NLRC5: variants seen among roughly 807,000 people sequenced by gnomAD.
NLRC5 encodes the protein protein NLRC5.
NLRC5 carries 114 observed loss-of-function variants against 206.9 expected under a neutral mutation model. The ratio of observed to expected loss-of-function variants is 0.55; its 90% confidence interval spans 0.47 to 0.64. The LOEUF is 0.64. Among genes scored for constraint, NLRC5 ranks in the 30% least tolerant of loss-of-function variants. The pLI is 0.00. For missense variants in NLRC5, 2,008 were observed against 2,305.5 expected, an observed-to-expected ratio of 0.87 and a Z score of 2.64; for synonymous variants, 952 against 962.8, an observed-to-expected ratio of 0.99 and a Z score of 0.21.
At chr16:57,072,853 A>G (rs559456511) in intron 38 of NLRC5, among the ~76,000 whole-genome samples, 3 of 152,284 alleles carry the variant, frequency 2.0e-5, no homozygotes, top group African/African-American at 7.2e-5. Context: ...TCAGCTTGAA[A>G]GTAGCCTTTT....
At chr16:57,007,122 C>T (rs2059001729) in intron 1 of NLRC5, among the ~76,000 whole-genome samples, 2 of 152,058 alleles carry the variant, frequency 1.3e-5, no homozygotes, top group South Asian at 4.1e-4. Context: ...TAAAAAGGGT[C>T]CACAGTGGAA....
At chr16:57,014,027 T>G in intron 1 of NLRC5, 4 of 335,708 alleles carry the variant, frequency 1.2e-5, no homozygotes, top group South Asian at 1.1e-4. Context: ...TTTAAGTTGC[T>G]TTTCTTCTAA....
At chr16:57,047,698 CT>C in intron 23 of NLRC5, 70 bp downstream of exon 23, 2 of 1,324,552 alleles carry the variant, frequency 1.5e-6, no homozygotes, top group Non-Finnish European at 2.1e-6. Context: ...GAGGGGGCTT[CT>C]TGGTTAGAAG....
At chr16:57,058,239 C>T in intron 28 of NLRC5, 91 bp downstream of exon 28, 2 of 1,024,216 alleles carry the variant, frequency 2.0e-6, no homozygotes, top group Non-Finnish European at 3.0e-6. Context: ...AGGGCATCCC[C>T]CAGAGCACCA....
At position 57,016,288 on chromosome 16, in the gene NLRC5, T is replaced by C. The variant is rs150884369; in HGVS notation, c.-127-786T>C. ...TCCCCCAGGACCTCTTCAAAAGATC[T>C]CTCTTTTCCTTTCTTATTTCTAATT... is the stretch of plus-strand genomic sequence containing the variant. On this transcript the variant is annotated intron_variant, in intron 1 of 48. Transcript: ENST00000688547. 1.6e-4 allele frequency among the ~76,000 whole-genome samples: 25 copies of C among 152,184 alleles called. 1 individual carries two copies. Among genetic ancestry groups the C allele is most frequent in the African/African-American group, 5.8e-4 (24 of 41,448 alleles).
At position 57,035,488 on chromosome 16, in the gene NLRC5, A is replaced by G. The variant is rs75919619; in HGVS notation, c.2628-612A>G. 3.3e-5 allele frequency among the ~76,000 whole-genome samples: 5 copies of G among 152,066 alleles called. No homozygotes were observed. In the East Asian group the frequency reaches 7.7e-4, roughly 24 times the overall value. On this transcript the variant is annotated intron_variant, in intron 13 of 48. Transcript: ENST00000688547. ...ACCCCATCCTTCCACTCAATCTCCA[A>G]TCCAGACACACTGGCTCTCTTTCAG...
At chr16:56,994,738 C>G (rs2057394426) in intron 1 of NLRC5, among the ~76,000 whole-genome samples, 1 of 151,208 alleles carries the variant, frequency 6.6e-6, no homozygotes, top group African/African-American at 2.4e-5. Flanking sequence ...TGGCAAGAAA[C>G]AAAAAAGTGG....
At chr16:57,043,641 C>G (rs1347602610) in intron 20 of NLRC5, 37 bp downstream of exon 20, 2 of 1,534,432 alleles carry the variant, frequency 1.3e-6, no homozygotes, top group Non-Finnish European at 1.8e-6. Flanking sequence ...CTGCCCCTGT[C>G]CCCCATCCCA....
At chr16:57,008,729 AT>A (rs74731160) in intron 1 of NLRC5, among the ~76,000 whole-genome samples, 38,618 of 152,052 alleles carry the variant, frequency 0.25, 5,709 homozygotes, top group East Asian at 0.38. Flanking sequence ...GTGTTTTATT[AT>A]TTTTTAAAAG....
chr16:57,058,593 A>G (rs906430201), intron 28 of NLRC5: 2 of 324,232 alleles, frequency 6.2e-6, no homozygotes, highest in Non-Finnish European at 1.2e-5. Context: ...TGGTTGCCCC[A>G]TCTCTCCCGT....
rs78243272 is a variant in NLRC5 at position 57,050,388 on chromosome 16, T to G, written c.3423-1150T>G. ...ACTGAGCCAGTTGATGTAGGGCCCC[T>G]GTACTCCATGCCTCCCCTCCAAACA... On this transcript the variant is annotated intron_variant, in intron 23 of 48. Transcript: ENST00000688547. Among the ~76,000 whole-genome samples the G allele has an allele frequency of 8.4e-3, 1,284 of 152,090 alleles. 17 individuals carry two copies. Among genetic ancestry groups the G allele is most frequent in the African/African-American group, 0.023 (972 of 41,500 alleles).
intron 10 of NLRC5, among the ~76,000 whole-genome samples, chr16:57,030,404 A>ATGGATGGATGGCTGAAAAGATGGATGGG (rs2061684931): frequency 7.4e-6 from 1 of 134,488 alleles, no homozygotes; most frequent in Non-Finnish European, 1.6e-5. Context: ...GGATGGATGG[A>ATGGATGGATGGCTGAAAAGATGGATGGG]TGGATGGCTG....
At chr16:57,032,315 C>T (rs181593761) in intron 11 of NLRC5, among the ~76,000 whole-genome samples, 5 of 151,850 alleles carry the variant, frequency 3.3e-5, no homozygotes, top group Middle Eastern at 3.4e-3. Flanking sequence ...TTGGGAGGAT[C>T]GCTTGAGCCT....
intron 1 of NLRC5, among the ~76,000 whole-genome samples, chr16:57,011,391 C>A (rs530492591): frequency 7.0e-6 from 1 of 143,734 alleles, no homozygotes; most frequent in South Asian, 2.2e-4. Flanking sequence ...CAAGTCTAGG[C>A]GACAGAGGGA....
chr16:57,061,938 G>C, intron 32 of NLRC5: 1 of 1,505,858 alleles, frequency 6.6e-7, no homozygotes. Flanking sequence ...AAAAAAGAAA[G>C]AAAGAAAGAA....
At chr16:57,033,854 A>G (rs1226228927) in intron 12 of NLRC5, among the ~76,000 whole-genome samples, 185 bp downstream of exon 12, 2 of 152,202 alleles carry the variant, frequency 1.3e-5, no homozygotes, top group African/African-American at 4.8e-5. Context: ...CTGTCATAAT[A>G]ACAATAGCTG....
In NLRC5 at chr16:57,026,984, G is replaced by A. The variant is rs777290599; in HGVS notation, c.2041G>A (p.Ala681Thr). 6 of 1,614,142 alleles carry A rather than the reference G, an allele frequency of 3.7e-6. No homozygotes were observed. In the Admixed American group the frequency reaches 1.0e-4, roughly 27 times the overall value. Residue 681 changes from alanine (A) to threonine (T), a missense_variant, in exon 6 of 49, where the codon GCT becomes ACT. Coordinates refer to ENST00000688547, the MANE Select transcript of NLRC5 (RefSeq NM_001384950.1). ...TCCCCTGGAGCCCCACTGCCCTGAG[G>A]CTCTGGTAGGCTGTGGGCAGATAGA... ...GCPLEPHCPE[A>T]LVGCGQIENL...
intron 28 of NLRC5, 29 bp downstream of exon 28, chr16:57,058,177 T>G (rs2065939856): frequency 1.3e-6 from 2 of 1,581,154 alleles, no homozygotes; most frequent in Non-Finnish European, 8.6e-7. Flanking sequence ...AAAGGACAGA[T>G]AGCAAGGAGG....
intron 45 of NLRC5, 38 bp downstream of exon 45, chr16:57,079,330 C>T: frequency 6.2e-7 from 1 of 1,605,238 alleles, no homozygotes; most frequent in Non-Finnish European, 8.5e-7. Flanking sequence ...GGACCAGTGG[C>T]AGGCTGAGGG....
Sources: allele counts gnomAD v4.1 joint callset (sites outside exome capture counted in the v4.1 genomes callset), GRCh38; gene constraint gnomAD v4.1.1; transcripts MANE v1.5; gene names NCBI Gene and HGNC (gene_info 2026-07-23, HGNC 2026-07-21).